NCOA1: variants seen among roughly 807,000 people sequenced by gnomAD.
NCOA1 encodes the protein Hin-2 protein.
Under a neutral mutation model 150.9 loss-of-function variants are expected in NCOA1, and 35 were observed. The observed-to-expected ratio is 0.23, with a 90% CI of 0.18 to 0.31. NCOA1 has a LOEUF of 0.31. Among genes scored for constraint, NCOA1 ranks in the 10% least tolerant of loss-of-function variants. The probability of loss-of-function intolerance (pLI) is 1.00; values close to 1 mark genes in which losing one functional copy is unlikely to be tolerated. For missense variants in NCOA1, 1,491 were observed against 1,749.3 expected (o/e 0.85, Z 2.63); for synonymous variants, 590 against 630.0 (o/e 0.94, Z 0.95).
rs111768321 is a variant in NCOA1 at position 24,557,333 on chromosome 2, C to A, written c.-395-6962C>A. 1.1e-3 allele frequency among the ~76,000 whole-genome samples: 161 copies of A among 152,196 alleles called. 1 individual carries two copies. Among genetic ancestry groups the A allele is most frequent in the African/African-American group, 3.6e-3 (149 of 41,526 alleles). On this transcript the variant is annotated intron_variant, in intron 1 of 22. Transcript: ENST00000348332. ...CAATTTTGTATCTCCCCTTTTTATGCCATGTTGTTACACATTTTACTTCTA... is the reference window on the plus strand; with the variant it reads ...CAATTTTGTATCTCCCCTTTTTATGACATGTTGTTACACATTTTACTTCTA...
At chr2:24,758,304 T>A (rs948255517) in intron 21 of NCOA1, 148 bp downstream of exon 21, 1 of 629,546 alleles carries the variant, frequency 1.6e-6, no homozygotes, top group Non-Finnish European at 2.4e-6. Flanking sequence ...TCTTAAGATA[T>A]ACAATGAAAA....
At chr2:24,643,146 GT>G (rs1670306744) in intron 3 of NCOA1, among the ~76,000 whole-genome samples, 1 of 152,194 alleles carries the variant, frequency 6.6e-6, no homozygotes, top group Non-Finnish European at 1.5e-5. Flanking sequence ...AGTAAGGTCT[GT>G]AATCTAGTCT....
intron 18 of NCOA1, 90 bp downstream of exon 18, chr2:24,739,623 G>C (rs1347708414): frequency 1.1e-6 from 1 of 901,580 alleles, no homozygotes; most frequent in Non-Finnish European, 1.8e-6. Context: ...GAAATGGTCT[G>C]TGAGCTGATC....
intron 17 of NCOA1, among the ~76,000 whole-genome samples, chr2:24,736,455 A>G (rs1439714654): frequency 1.3e-5 from 2 of 152,184 alleles, no homozygotes; most frequent in Non-Finnish European, 2.9e-5. Flanking sequence ...GTACTGAACA[A>G]ATGTACGTAT....
At chr2:24,727,246 C>T (rs1662734658) in intron 15 of NCOA1, among the ~76,000 whole-genome samples, 1 of 151,494 alleles carries the variant, frequency 6.6e-6, no homozygotes, top group Non-Finnish European at 1.5e-5. Flanking sequence ...TTGTAATCAC[C>T]AAGAGATTGA....
At chr2:24,734,036 T>G (rs1663159848) in intron 17 of NCOA1, among the ~76,000 whole-genome samples, 1 of 151,428 alleles carries the variant, frequency 6.6e-6, no homozygotes, top group African/African-American at 2.4e-5. Flanking sequence ...AATACAAAAA[T>G]TAGCTGGGTG....
At chr2:24,547,145 T>TA (rs1278347096) in intron 1 of NCOA1, among the ~76,000 whole-genome samples, 1 of 152,258 alleles carries the variant, frequency 6.6e-6, no homozygotes, top group East Asian at 1.9e-4. Context: ...TTACAGTATC[T>TA]AATCTTTTAA....
In NCOA1 at chr2:24,510,151, G is replaced by A. The variant is rs192675094; in HGVS notation, c.-396+18549G>A. Among the ~76,000 whole-genome samples the A allele has an allele frequency of 1.1e-4, 17 of 152,344 alleles. No individual in the cohort carries two copies. The East Asian group carries it at 2.9e-3, about 26-fold the overall frequency. ...TGCAACCTACGCCACCCGGGTTCAA[G>A]TGATTCTCCTGCCTCAGCCTCCCCA... is the stretch of plus-strand genomic sequence containing the variant. On this transcript the variant is annotated intron_variant, in intron 1 of 22. Transcript: ENST00000348332.
intron 3 of NCOA1, among the ~76,000 whole-genome samples, chr2:24,615,947 A>G (rs1668855123): frequency 6.6e-6 from 1 of 152,206 alleles, no homozygotes; most frequent in African/African-American, 2.4e-5. Context: ...GGATCTTAGG[A>G]AACTTTTATA....
chr2:24,506,754 T>TA (rs1328403051), intron 1 of NCOA1, among the ~76,000 whole-genome samples: 1 of 152,152 alleles, frequency 6.6e-6, no homozygotes, highest in Non-Finnish European at 1.5e-5. Context: ...TGATTTTTAT[T>TA]AAAAAAACCT....
intron 19 of NCOA1, among the ~76,000 whole-genome samples, chr2:24,748,106 C>CA (rs1363236793): frequency 3.4e-5 from 5 of 145,398 alleles, no homozygotes; most frequent in South Asian, 2.2e-4. Context: ...AACTCCGCCT[C>CA]AAAAAAAAGA....
intron 21 of NCOA1, 117 bp downstream of exon 21, chr2:24,758,273 T>A: frequency 1.1e-6 from 1 of 932,658 alleles, no homozygotes. Flanking sequence ...TCTTTCCCAC[T>A]AACTTTTAAT....
intron 3 of NCOA1, among the ~76,000 whole-genome samples, chr2:24,585,682 C>T (rs1006105546): frequency 1.3e-5 from 2 of 151,858 alleles, no homozygotes; most frequent in Admixed American, 6.6e-5. Context: ...ATTATTAGTT[C>T]TGATAGCATT....
intron 1 of NCOA1, among the ~76,000 whole-genome samples, chr2:24,518,279 A>C (rs1664287293): frequency 2.6e-5 from 4 of 152,188 alleles, no homozygotes; most frequent in Admixed American, 2.6e-4. Context: ...ATAAAAATTC[A>C]GCAAATTAGA....
At chr2:24,730,871 C>CAAAAAAAAAAAAAA (rs35975198) in intron 17 of NCOA1, among the ~76,000 whole-genome samples, 1 of 61,904 alleles carries the variant, frequency 1.6e-5, no homozygotes, top group African/African-American at 7.1e-5. Context: ...ACTAAAAGTA[C>CAAAAAAAAAAAAAA]AAAAAAAAAA....
intron 19 of NCOA1, among the ~76,000 whole-genome samples, chr2:24,743,112 A>C (rs920189932): frequency 6.6e-6 from 1 of 152,148 alleles, no homozygotes; most frequent in Non-Finnish European, 1.5e-5. Context: ...TGATTAGTCT[A>C]CTCTGTTTAA....
chr2:24,588,847 A>G (rs1380509842), intron 3 of NCOA1, among the ~76,000 whole-genome samples: 1 of 152,200 alleles, frequency 6.6e-6, no homozygotes, highest in Non-Finnish European at 1.5e-5. Flanking sequence ...AATCATCATG[A>G]AATCTGTAGT....
chr2:24,632,720 T>C (rs1460863216), intron 3 of NCOA1, among the ~76,000 whole-genome samples: 2 of 152,190 alleles, frequency 1.3e-5, no homozygotes, highest in Non-Finnish European at 2.9e-5. Flanking sequence ...ACATAAATAC[T>C]GTACTCCACT....
At chr2:24,747,967 G>A (rs768658933) in intron 19 of NCOA1, among the ~76,000 whole-genome samples, 13 of 152,158 alleles carry the variant, frequency 8.5e-5, no homozygotes, top group African/African-American at 1.4e-4. Flanking sequence ...GTAGCTGGGC[G>A]TGGTGGCGCA....
Sources: gnomAD v4.1 joint callset for allele counts (sites outside exome capture counted in the v4.1 genomes callset) on GRCh38, gnomAD v4.1.1 for gene constraint, MANE v1.5 for transcripts, NCBI Gene and HGNC (gene_info 2026-07-23, HGNC 2026-07-21) for gene names.